LSAMP: variants seen among roughly 807,000 people sequenced by gnomAD.
LSAMP encodes limbic system associated membrane protein.
In LSAMP, 7 loss-of-function variants were observed where a neutral mutation model predicts 38.6. The ratio of observed to expected loss-of-function variants is 0.18; its 90% CI spans 0.10 to 0.34. The LOEUF is 0.34. Among genes scored for constraint, LSAMP ranks in the 10% least tolerant of loss-of-function variants. LSAMP has a pLI of 1.00. For missense variants in LSAMP, 313 were observed against 420.0 expected, an observed-to-expected ratio of 0.75 and a Z score of 2.23; for synonymous variants, 154 against 166.8, an observed-to-expected ratio of 0.92 and a Z score of 0.59.
At chr3:116,431,388 G>A (rs940853639) in intron 1 of LSAMP, among the ~76,000 whole-genome samples, 1 of 152,198 alleles carries the variant, frequency 6.6e-6, no homozygotes, top group Middle Eastern at 3.4e-3. Context: ...GGGAACACAT[G>A]TTGGCTTCTA....
At chr3:115,928,830 T>C (rs1447548415) in intron 3 of LSAMP, among the ~76,000 whole-genome samples, 1 of 151,866 alleles carries the variant, frequency 6.6e-6, no homozygotes, top group Non-Finnish European at 1.5e-5. Context: ...TGAGAGAAAA[T>C]GGGAATTCTG....
intron 1 of LSAMP, among the ~76,000 whole-genome samples, chr3:116,336,542 A>G (rs965715348): frequency 1.3e-5 from 2 of 152,014 alleles, no homozygotes; most frequent in Non-Finnish European, 1.5e-5. Context: ...AATAAAAACT[A>G]CAATGAGATA....
chr3:115,976,846 G>A (rs1939203077), intron 3 of LSAMP, among the ~76,000 whole-genome samples: 1 of 152,064 alleles, frequency 6.6e-6, no homozygotes, highest in Admixed American at 6.6e-5. Flanking sequence ...CTTCTGCCAT[G>A]ATTGTCATGC....
intron 3 of LSAMP, among the ~76,000 whole-genome samples, chr3:115,902,700 T>C (rs1223212515): frequency 6.6e-6 from 1 of 152,156 alleles, no homozygotes; most frequent in Non-Finnish European, 1.5e-5. Flanking sequence ...CAGACACTTT[T>C]CAAAAGAAGA....
At chr3:116,100,656 T>C (rs532239712) in intron 1 of LSAMP, among the ~76,000 whole-genome samples, 10 of 152,284 alleles carry the variant, frequency 6.6e-5, no homozygotes, top group South Asian at 4.1e-4. Context: ...CTGTCTTTCA[T>C]AGTGAACAGA....
At chr3:115,860,086 G>A (rs1237536077) in intron 3 of LSAMP, among the ~76,000 whole-genome samples, 1 of 152,352 alleles carries the variant, frequency 6.6e-6, no homozygotes, top group African/African-American at 2.4e-5. Context: ...CTAGTGTGTA[G>A]CACAATGTCG....
intron 3 of LSAMP, among the ~76,000 whole-genome samples, chr3:115,991,270 G>A (rs982644222): frequency 2.6e-4 from 39 of 152,148 alleles, no homozygotes; most frequent in African/African-American, 9.1e-4. Context: ...GTTTGAGCAT[G>A]AGATGTGAAC....
Position 115,833,120 on chromosome 3 carries a change from C to T in LSAMP, c.919+8725G>A, listed in dbSNP as rs917722076. ...AAAATGCTATCCAATGGTACAAATG[C>T]GTATGTGTGTGTTTTTCATATCAAT... On this transcript the variant is annotated intron_variant, in intron 6 of 6. Transcript: ENST00000490035. 7.8e-4 allele frequency among the ~76,000 whole-genome samples: 118 copies of T among 152,056 alleles called. 2 individuals are homozygous for T. Among genetic ancestry groups the T allele is most frequent in the Admixed American group, 1.9e-3 (29 of 15,258 alleles).
At chr3:116,304,200 T>G (rs1355770829) in intron 1 of LSAMP, among the ~76,000 whole-genome samples, 1 of 151,830 alleles carries the variant, frequency 6.6e-6, no homozygotes, top group Admixed American at 6.6e-5. Context: ...GAGTTAAGAG[T>G]TAATTAGAGG....
At chr3:116,204,315 G>A (rs1381380706) in intron 1 of LSAMP, among the ~76,000 whole-genome samples, 4 of 151,696 alleles carry the variant, frequency 2.6e-5, no homozygotes, top group Non-Finnish European at 5.9e-5. Flanking sequence ...TTTGTCAGAT[G>A]AGTAGGTTGC....
chr3:116,170,001 A>G (rs1710157718), intron 1 of LSAMP, among the ~76,000 whole-genome samples: 4 of 152,182 alleles, frequency 2.6e-5, no homozygotes. Flanking sequence ...CTCACCTATG[A>G]TAAATCATAA....
Position 115,810,258 on chromosome 3 carries a change from TGTA to T in LSAMP, c.*56_*58del. 2.5e-5 allele frequency: 29 copies of T among 1,182,602 alleles called. No individual in the cohort carries two copies. Among genetic ancestry groups the T allele is most frequent in the East Asian group, 5.1e-5 (2 of 39,086 alleles). 73.3% of individuals were successfully genotyped at this position (1,182,602 alleles called of 1,614,324 possible). On this transcript the variant is annotated 3_prime_UTR_variant, in exon 7 of 7. Coordinates refer to ENST00000490035, the MANE Select transcript of LSAMP (RefSeq NM_002338.5). ...CTCTCTCTCTCTGTCTCTCTCTCTC[TGTA>T]TTCTGTGTGACGCATTTTTGTGTGT...
At chr3:116,111,177 C>A (rs549216844) in intron 1 of LSAMP, among the ~76,000 whole-genome samples, 3 of 152,172 alleles carry the variant, frequency 2.0e-5, no homozygotes, top group African/African-American at 4.8e-5. Flanking sequence ...TGGGCATATA[C>A]GTGCAAGTCA....
chr3:116,158,762 T>C (rs1709816011), intron 1 of LSAMP, among the ~76,000 whole-genome samples: 2 of 152,132 alleles, frequency 1.3e-5, no homozygotes, highest in Non-Finnish European at 1.5e-5. Context: ...ATAGTTAAAA[T>C]GGTCATACTG....
At chr3:116,310,550 T>C (rs2047543949) in intron 1 of LSAMP, among the ~76,000 whole-genome samples, 1 of 152,200 alleles carries the variant, frequency 6.6e-6, no homozygotes, top group Non-Finnish European at 1.5e-5. Context: ...CTTTAGGCTT[T>C]CTGTATATAC....
intron 1 of LSAMP, among the ~76,000 whole-genome samples, chr3:116,218,929 AC>A (rs2046251544): frequency 6.6e-6 from 1 of 152,226 alleles, no homozygotes; most frequent in African/African-American, 2.4e-5. Flanking sequence ...GTACAAAAGA[AC>A]CATATACTTT....
At chr3:116,105,347 A>G (rs540640031) in intron 1 of LSAMP, among the ~76,000 whole-genome samples, 1 of 152,292 alleles carries the variant, frequency 6.6e-6, no homozygotes, top group Non-Finnish European at 1.5e-5. Flanking sequence ...TGACTGCCAG[A>G]TATGGTCACT....
At chr3:116,198,199 A>T (rs2045935812) in intron 1 of LSAMP, among the ~76,000 whole-genome samples, 1 of 152,248 alleles carries the variant, frequency 6.6e-6, no homozygotes, top group East Asian at 1.9e-4. Context: ...GCTACTGTTC[A>T]TAGTGAGAAA....
chr3:116,391,231 G>C (rs142520598), intron 1 of LSAMP, among the ~76,000 whole-genome samples: 1 of 151,766 alleles, frequency 6.6e-6, no homozygotes, highest in Admixed American at 6.6e-5. Context: ...CTGCCATCGC[G>C]CTGGCAGTAG....
Sources: allele counts gnomAD v4.1 joint callset (sites outside exome capture counted in the v4.1 genomes callset), GRCh38; gene constraint gnomAD v4.1.1; transcripts MANE v1.5; gene names NCBI Gene and HGNC (gene_info 2026-07-23, HGNC 2026-07-21).